CKMT2: variants seen among roughly 807,000 people sequenced by gnomAD.
CKMT2 encodes creatine kinase S-type, mitochondrial.
A neutral mutation model predicts 48.9 loss-of-function variants in CKMT2; 43 were observed. The ratio of observed to expected loss-of-function variants is 0.88; its 90% confidence interval spans 0.69 to 1.13. CKMT2 has a LOEUF of 1.13. Among genes scored for constraint, CKMT2 ranks in the 50% most tolerant of loss-of-function variants. The pLI, the probability that CKMT2 is intolerant of heterozygous loss-of-function variation, is 0.00. For missense variants in CKMT2, 472 were observed against 555.4 expected (o/e 0.85, Z 1.51); for synonymous variants, 206 against 213.0 (o/e 0.97, Z 0.29).
intron 1 of CKMT2, among the ~76,000 whole-genome samples, chr5:81,241,648 T>C (rs1163008191): frequency 6.6e-6 from 1 of 152,176 alleles, no homozygotes; most frequent in African/African-American, 2.4e-5. Flanking sequence ...GAATTTAGGA[T>C]GAATTATGCT....
intron 8 of CKMT2, 101 bp downstream of exon 8, chr5:81,259,355 T>C (rs1757128491): frequency 1.9e-6 from 2 of 1,029,750 alleles, no homozygotes; most frequent in Middle Eastern, 2.2e-4. Flanking sequence ...TAACCCTTAC[T>C]TTCTCTATCT....
rs112748351 is a variant in CKMT2, at chr5:81,253,034, C to T, written c.351+141C>T. On this transcript the variant is annotated intron_variant, in intron 3 of 9. Transcript: ENST00000254035. ...GGGCTCTCATAAAGGGAAGCCAGCT[C>T]CAGCAGAACCATCTGGAATGCTTTC... The T allele has an allele frequency of 2.3e-3, 1,886 of 825,442 alleles. 29 individuals are homozygous for T. The African/African-American group carries it at 0.029, about 13-fold the overall frequency. The allele number at this position is 825,442 out of a possible 1,614,324, so 51.1% of individuals were successfully genotyped here. A position where few individuals can be genotyped will look rare whatever the true frequency, so the allele number is the denominator to read the frequency against.
At chr5:81,250,552 G>C (rs1756769093) in intron 1 of CKMT2, among the ~76,000 whole-genome samples, 1 of 152,216 alleles carries the variant, frequency 6.6e-6, no homozygotes, top group Admixed American at 6.5e-5. Flanking sequence ...TCAGGCAGGA[G>C]CCAGAAGTTG....
intron 1 of CKMT2, chr5:81,237,560 A>AT (rs1446740746): frequency 2.0e-5 from 3 of 152,068 alleles, no homozygotes; most frequent in African/African-American, 7.2e-5. Context: ...ACACATCAAA[A>AT]TTTTCTTTTT....
rs779958865 is a variant in CKMT2 at position 81,252,878 on chromosome 5, C to T, written c.336C>T (p.Asp112=). ...AGACTGTGGGCATGGTGGCTGGTGA[C>T]GAGGAGTCCTATGAGGTAAAACTAT... ...FIKTVGMVAG[D]EESYEVFADL... is the part of the protein sequence containing the mutation. The change falls in exon 3 of 10, where the codon GAC becomes GAT. Residue 112 remains aspartate, a synonymous_variant. Coordinates refer to ENST00000254035, the MANE Select transcript of CKMT2 (RefSeq NM_001099735.2). 17 of 1,614,026 alleles carry T rather than the reference C, an allele frequency of 1.1e-5. No homozygotes were observed. The Middle Eastern group carries it at 4.9e-4, about 47-fold the overall frequency.
chr5:81,235,523 GCTGGA>G (rs1756218384), intron 1 of CKMT2, among the ~76,000 whole-genome samples: 2 of 152,302 alleles, frequency 1.3e-5, no homozygotes, highest in South Asian at 4.2e-4. Flanking sequence ...GCTGTGAATG[GCTGGA>G]CCAGAAATAA....
Position 81,263,549 on chromosome 5 carries a change from G to A in CKMT2, c.1073G>A (p.Gly358Asp), listed in dbSNP as rs1561289192. The change falls in exon 9 of 10, where the codon GGT (glycine) becomes GAT (aspartate). Residue 358 changes from glycine to aspartate, a missense_variant. Coordinates refer to ENST00000254035, the MANE Select transcript of CKMT2 (RefSeq NM_001099735.2). The stretch of plus-strand genomic sequence containing the variant: ...AGACTCCAGAAGCGTGGCACAGGTG[G>A]TGTGGACACTGCCGCGGTCGCAGAT... ...NLRLQKRGTG[G>D]VDTAAVADVY... is the part of the protein sequence containing the mutation. The A allele has an allele frequency of 6.2e-7, 1 of 1,613,300 alleles. No homozygotes were observed. Among genetic ancestry groups the A allele is most frequent in the East Asian group, 2.2e-5 (1 of 44,856 alleles).
chr5:81,251,141 T>G lies in CKMT2; in HGVS notation c.9T>G (p.Ser3Arg), dbSNP rs780717542. 4 of 1,613,832 alleles carry G rather than the reference T, an allele frequency of 2.5e-6. No individual in the cohort carries two copies. The highest frequency in any genetic ancestry group is 3.4e-6 in the Non-Finnish European group (4 of 1,179,918). Residue 3 changes from serine to arginine, a missense_variant, in exon 2 of 10, where the codon AGT becomes AGG. Ser to Arg is a moderately radical substitution (Grantham distance 110). Transcript: ENST00000254035. MA[S>R]IFSKLLTGRN... ...CTCATCCAAGAGGAAGGATGGCCAG[T>G]ATCTTTTCTAAGTTGCTAACTGGCC...
chr5:81,246,804 A>G (rs1245448981), intron 1 of CKMT2: 1 of 152,222 alleles, frequency 6.6e-6, no homozygotes, highest in African/African-American at 2.4e-5. Context: ...CACGGGCAGC[A>G]GCGAAGTTGA....
intron 1 of CKMT2, chr5:81,244,617 G>A (rs1316420266): frequency 1.3e-5 from 2 of 152,160 alleles, no homozygotes; most frequent in Non-Finnish European, 2.9e-5. Context: ...TTCCCTGAGT[G>A]GACGAGTATA....
chr5:81,254,855 C>T, intron 4 of CKMT2, 138 bp from the exon 5 acceptor site: 4 of 722,338 alleles, frequency 5.5e-6, no homozygotes, highest in Middle Eastern at 3.7e-4. Flanking sequence ...GGAATGTGTC[C>T]AATTTACGGA....
chr5:81,248,568 C>G (rs1435154647), intron 1 of CKMT2, among the ~76,000 whole-genome samples: 2 of 152,188 alleles, frequency 1.3e-5, no homozygotes, highest in Non-Finnish European at 2.9e-5. Flanking sequence ...TGAAATCTAG[C>G]AGGGGAGCAA....
chr5:81,255,867 G>A (rs567632297), intron 5 of CKMT2, among the ~76,000 whole-genome samples: 1 of 149,868 alleles, frequency 6.7e-6, no homozygotes, highest in African/African-American at 2.4e-5. Flanking sequence ...TTCAAAAGAT[G>A]CAAATGCTAA....
At chr5:81,234,195 A>G (rs1756187871) in intron 1 of CKMT2, among the ~76,000 whole-genome samples, 1 of 152,022 alleles carries the variant, frequency 6.6e-6, no homozygotes, top group East Asian at 1.9e-4. Flanking sequence ...GAATGTGAGG[A>G]AGAGTGACAT....
chr5:81,256,876 T>TCAGTCTC, intron 5 of CKMT2, 39 bp from the exon 6 acceptor site: 1 of 1,470,114 alleles, frequency 6.8e-7, no homozygotes. Flanking sequence ...TTTGATCTCA[T>TCAGTCTC]CAGTCTCTCC....
chr5:81,250,365 C>G (rs1561281240), intron 1 of CKMT2, among the ~76,000 whole-genome samples: 1 of 152,306 alleles, frequency 6.6e-6, no homozygotes, highest in East Asian at 1.9e-4. Flanking sequence ...TATTGTCTGA[C>G]AGTTCCAGCA....
chr5:81,262,213 C>A (rs1471960079), intron 8 of CKMT2, among the ~76,000 whole-genome samples: 1 of 152,102 alleles, frequency 6.6e-6, no homozygotes, highest in Non-Finnish European at 1.5e-5. Flanking sequence ...AAGACTTAAA[C>A]ATAAGACCTA....
chr5:81,263,671 A>C, intron 9 of CKMT2, 55 bp downstream of exon 9: 1 of 1,527,244 alleles, frequency 6.5e-7, no homozygotes, highest in South Asian at 1.2e-5. Context: ...CTAAGAGAGA[A>C]TAGAGAAAAG....
chr5:81,252,310 C>T, intron 2 of CKMT2: 1 of 217,684 alleles, frequency 4.6e-6, no homozygotes, highest in East Asian at 1.3e-4. Flanking sequence ...CGCCAGCAAC[C>T]CCCATGTACC....
Sources: gnomAD v4.1 joint callset for allele counts (sites outside exome capture counted in the v4.1 genomes callset) on GRCh38, gnomAD v4.1.1 for gene constraint, MANE v1.5 for transcripts, NCBI Gene and HGNC (gene_info 2026-07-23, HGNC 2026-07-21) for gene names.